The following EDA variants were observed in gnomAD, a reference collection of about 807,000 sequenced individuals.
EDA encodes ectodysplasin-A.
In EDA, 2 loss-of-function variants were observed where a neutral mutation model predicts 23.6. The observed-to-expected ratio is 0.08, with a 90% CI of 0.03 to 0.27. The LOEUF is 0.27. Among genes scored for constraint, EDA ranks in the 10% least tolerant of loss-of-function variants. The pLI, the probability that EDA is intolerant of heterozygous loss-of-function variation, is 1.00. For synonymous variants in EDA, 131 were observed against 132.0 expected, an observed-to-expected ratio of 0.99 and a Z score of 0.05; for missense variants, 229 against 324.2, an observed-to-expected ratio of 0.71 and a Z score of 2.26.
chrX:69,746,914 A>G (rs1033945034), intron 1 of EDA, among the ~76,000 whole-genome samples: 1 of 111,221 alleles, frequency 9.0e-6, no homozygotes, highest in Non-Finnish European at 1.9e-5. Flanking sequence ...GAGAAGGGCA[A>G]CTTTAGGAAG....
At chrX:69,697,336 C>T (rs1330558155) in intron 1 of EDA, among the ~76,000 whole-genome samples, 1 of 111,417 alleles carries the variant, frequency 9.0e-6, no homozygotes, top group East Asian at 2.8e-4. Context: ...GCTGCTGGTG[C>T]AAGTGGTCTT....
intron 1 of EDA, among the ~76,000 whole-genome samples, chrX:69,770,988 G>A (rs985839571): frequency 3.6e-5 from 4 of 111,419 alleles, no homozygotes; most frequent in Admixed American, 9.5e-5. Flanking sequence ...CTATACTTAC[G>A]CCATTGAACT....
intron 1 of EDA, among the ~76,000 whole-genome samples, chrX:69,867,840 T>C (rs1221366719): frequency 8.9e-6 from 1 of 111,889 alleles, no homozygotes; most frequent in Non-Finnish European, 1.9e-5. Flanking sequence ...TACTTGTGCC[T>C]TCAGGAGCTG....
chrX:69,972,343 A>G (rs1310857326), intron 2 of EDA, among the ~76,000 whole-genome samples: 1 of 111,257 alleles, frequency 9.0e-6, no homozygotes, highest in East Asian at 2.8e-4. Flanking sequence ...CCCTCCCTGG[A>G]GCCCTTGGGG....
chrX:69,917,439 G>A (rs1365186205), intron 1 of EDA, among the ~76,000 whole-genome samples: 3 of 111,531 alleles, frequency 2.7e-5, no homozygotes, highest in Non-Finnish European at 5.6e-5. Flanking sequence ...TACATATTTG[G>A]TCTTATAGAT....
intron 1 of EDA, among the ~76,000 whole-genome samples, chrX:69,772,751 C>G (rs1221637173): frequency 1.8e-5 from 2 of 111,547 alleles, no homozygotes; most frequent in Non-Finnish European, 3.8e-5. Flanking sequence ...TTCTGTTCCT[C>G]CATTAATTTG....
intron 2 of EDA, among the ~76,000 whole-genome samples, chrX:70,004,808 G>A (rs1408183088): frequency 8.9e-6 from 1 of 112,442 alleles, no homozygotes; most frequent in Admixed American, 9.4e-5. Context: ...ATGAAAGCTA[G>A]AAGCCTGGGC....
At chrX:69,771,726 T>G (rs1435677045) in intron 1 of EDA, among the ~76,000 whole-genome samples, 2 of 112,184 alleles carry the variant, frequency 1.8e-5, no homozygotes, top group Non-Finnish European at 3.8e-5. Flanking sequence ...TATTTTTATG[T>G]GTTCATTTCT....
rs773247747 is a variant in EDA, at chrX:69,724,634, T to G, written c.396+107930T>G. Among the ~76,000 whole-genome samples the G allele has an allele frequency of 3.6e-5, 4 of 112,010 alleles. No individual in the cohort carries two copies. The South Asian group carries it at 1.5e-3, about 42-fold the overall frequency. On this transcript the variant is annotated intron_variant, in intron 1 of 7. Transcript: ENST00000374552. ...GTAAACACTTCTCCCTGTCAGTTTATGTAGATGTTCAGTGTTTTATACTCC... is the reference window on the plus strand; with the variant it reads ...GTAAACACTTCTCCCTGTCAGTTTAGGTAGATGTTCAGTGTTTTATACTCC...
chrX:69,825,377 C>G (rs1374247247), intron 1 of EDA, among the ~76,000 whole-genome samples: 2 of 108,162 alleles, frequency 1.8e-5, no homozygotes, highest in Non-Finnish European at 3.8e-5. Flanking sequence ...GATTTCAGCT[C>G]CTGTTATTGG....
At position 70,030,538 on chromosome X, in the gene EDA, CT is replaced by C. The variant is rs745859461; in HGVS notation, c.793+19del. ...CAAGAATGGTAAGAATCAAAATAGGCTCTCTCCCAAAGAGGAGCTTCTCCCC... is the reference window on the plus strand; with the variant it reads ...CAAGAATGGTAAGAATCAAAATAGGCCTCTCCCAAAGAGGAGCTTCTCCCC... On this transcript the variant is annotated intron_variant, in intron 6 of 7. Transcript: ENST00000374552. 7 of 1,179,394 alleles carry C rather than the reference CT, an allele frequency of 5.9e-6. No homozygotes were observed. The Admixed American group carries it at 1.1e-4, about 19-fold the overall frequency.
chrX:69,797,901 A>T (rs2015580983), intron 1 of EDA, among the ~76,000 whole-genome samples: 1 of 112,186 alleles, frequency 8.9e-6, no homozygotes. Context: ...AACATGACCT[A>T]ACTATATGCT....
chrX:70,023,514 A>T (rs1236707252), intron 3 of EDA, among the ~76,000 whole-genome samples: 1 of 44,096 alleles, frequency 2.3e-5, no homozygotes, highest in African/African-American at 9.6e-5. Context: ...TTTGAGACGG[A>T]GTTTCACTCT....
chrX:70,024,632 G>T (rs1160782356), intron 3 of EDA, among the ~76,000 whole-genome samples: 4 of 112,609 alleles, frequency 3.6e-5, no homozygotes, highest in Non-Finnish European at 7.5e-5. Context: ...TTGGCTGAAA[G>T]TTATTTAGAA....
chrX:69,673,229 A>C (rs918185441), intron 1 of EDA, among the ~76,000 whole-genome samples: 13 of 111,765 alleles, frequency 1.2e-4, no homozygotes, highest in Non-Finnish European at 2.4e-4. Flanking sequence ...AGTGAAGAAA[A>C]TTTTGATTAA....
At chrX:69,768,882 T>G (rs1301445910) in intron 1 of EDA, among the ~76,000 whole-genome samples, 1 of 111,995 alleles carries the variant, frequency 8.9e-6, no homozygotes, top group Non-Finnish European at 1.9e-5. Flanking sequence ...TACGGTTTAT[T>G]CATCATCATT....
intron 1 of EDA, among the ~76,000 whole-genome samples, chrX:69,658,212 T>TTGTGTGTGTGTGTGTG (rs3138864): frequency 4.1e-4 from 37 of 90,906 alleles, no homozygotes; most frequent in Non-Finnish European, 6.3e-4. Context: ...TCCTAGGTAT[T>TTGTGTGTGTGTGTGTG]TGTGTGTGTG....
At chrX:69,642,104 A>G (rs1349763059) in intron 1 of EDA, among the ~76,000 whole-genome samples, 1 of 110,832 alleles carries the variant, frequency 9.0e-6, no homozygotes, top group Non-Finnish European at 1.9e-5. Flanking sequence ...TAGTAGTTGG[A>G]GGAGGAGGAG....
chrX:69,878,331 G>A (rs1454364762), intron 1 of EDA, among the ~76,000 whole-genome samples: 1 of 112,460 alleles, frequency 8.9e-6, no homozygotes, highest in Non-Finnish European at 1.9e-5. Flanking sequence ...CACTTTGCTT[G>A]TGTGCGCGGC....
Sources: allele counts gnomAD v4.1 joint callset (sites outside exome capture counted in the v4.1 genomes callset), GRCh38; gene constraint gnomAD v4.1.1; transcripts MANE v1.5; gene names NCBI Gene and HGNC (gene_info 2026-07-23, HGNC 2026-07-21).